Variants in FAM135B observed in about 807,000 individuals in gnomAD.
FAM135B encodes the protein protein FAM135B.
In FAM135B, 43 loss-of-function variants were observed where a neutral mutation model predicts 127.7. The observed-to-expected ratio is 0.34, with a 90% confidence interval of 0.26 to 0.43. The LOEUF (loss-of-function observed/expected upper bound fraction) is 0.43, where lower values mean the gene tolerates loss of function less well. Ranked by LOEUF, FAM135B falls within the 20% of genes least tolerant of loss-of-function variation. The probability of loss-of-function intolerance (pLI) is 1.00; values close to 1 mark genes in which losing one functional copy is unlikely to be tolerated. For missense variants in FAM135B, 1,558 were observed against 1,725.6 expected, an observed-to-expected ratio of 0.90 and a Z score of 1.72; for synonymous variants, 670 against 665.1, an observed-to-expected ratio of 1.01 and a Z score of -0.11.
At chr8:138,183,509 A>G (rs73423942) in intron 9 of FAM135B, among the ~76,000 whole-genome samples, 4 of 152,182 alleles carry the variant, frequency 2.6e-5, no homozygotes, top group Non-Finnish European at 5.9e-5. Flanking sequence ...GCTTCAATAT[A>G]TATTTGCAGA....
rs1586553654 is a variant in FAM135B, at chr8:138,132,921, C to T, written c.4016-123G>A. On this transcript the variant is annotated intron_variant, in intron 19 of 19. Coordinates refer to ENST00000395297, the MANE Select transcript of FAM135B (RefSeq NM_015912.4). The surrounding 1 kb of genome is among the most constrained non-coding windows in gnomAD (Gnocchi z 4.5). Reference sequence around the variant, plus strand: ...AGACCTGTTATACAGCAGTTTCCAACCTCTTCCTAATGTTAGTGAAATTAA... The same window carrying T: ...AGACCTGTTATACAGCAGTTTCCAATCTCTTCCTAATGTTAGTGAAATTAA... 25 of 776,138 alleles carry T rather than the reference C, an allele frequency of 3.2e-5. No homozygotes were observed. In the East Asian group the frequency reaches 5.9e-4, roughly 18 times the overall value. 48.1% of individuals were successfully genotyped at this position (776,138 alleles called of 1,614,324 possible).
chr8:138,299,167 A>C (rs1421162405), intron 3 of FAM135B, among the ~76,000 whole-genome samples: 1 of 151,932 alleles, frequency 6.6e-6, no homozygotes, highest in Non-Finnish European at 1.5e-5. Flanking sequence ...CTTCCTAGCA[A>C]TTATATTAAA....
Position 138,361,432 on chromosome 8 carries a change from C to T in FAM135B, c.77+6475G>A, listed in dbSNP as rs528350705. ...GAAGTTCAATACAATGAAAGATAAG[C>T]TACAATTTTTCTCCCAGTACGCACT... On this transcript the variant is annotated intron_variant, in intron 2 of 19. Coordinates refer to ENST00000395297, the MANE Select transcript of FAM135B (RefSeq NM_015912.4). 5.3e-5 allele frequency among the ~76,000 whole-genome samples: 8 copies of T among 152,270 alleles called. No homozygotes were observed. In the East Asian group the frequency reaches 1.5e-3, roughly 29 times the overall value.
intron 3 of FAM135B, among the ~76,000 whole-genome samples, chr8:138,286,524 A>G (rs563514743): frequency 6.6e-6 from 1 of 152,270 alleles, no homozygotes; most frequent in African/African-American, 2.4e-5. Context: ...ATGTTTGGGG[A>G]CCAGAGGCAC....
At chr8:138,471,802 T>C (rs376645408) in intron 1 of FAM135B, among the ~76,000 whole-genome samples, 5 of 152,154 alleles carry the variant, frequency 3.3e-5, no homozygotes, top group African/African-American at 1.2e-4. Context: ...GAACTTAGCA[T>C]TTAAGGAGTA....
In FAM135B at chr8:138,242,971, C is replaced by T. The variant is rs1820949869; in HGVS notation, c.640G>A (p.Ala214Thr). Residue 214 changes from alanine to threonine, a missense_variant, in exon 7 of 20, where the codon GCT becomes ACT. Around this residue, in one of 5 missense-constraint regions of FAM135B, gnomAD observed 127 missense variants for 109.7 expected, o/e 1.16. Coordinates refer to ENST00000395297, the MANE Select transcript of FAM135B (RefSeq NM_015912.4). The surrounding 1 kb of genome is among the most constrained non-coding windows in gnomAD (Gnocchi z 9.6). ...IISLENLVFG[A>T]GYCKPTSSEG... ...GAGGAAGTCGGCTTGCAGTACCCAGCTCCAAAGACCAAGTTTTCCAGAGAA... is the reference window on the plus strand; with the variant it reads ...GAGGAAGTCGGCTTGCAGTACCCAGTTCCAAAGACCAAGTTTTCCAGAGAA... The T allele has an allele frequency of 2.5e-6, 4 of 1,613,808 alleles. No individual in the cohort carries two copies. The South Asian group carries it at 3.3e-5, about 13-fold the overall frequency.
At chr8:138,292,006 C>T (rs1432810782) in intron 3 of FAM135B, among the ~76,000 whole-genome samples, 1 of 151,974 alleles carries the variant, frequency 6.6e-6, no homozygotes, top group Non-Finnish European at 1.5e-5. Context: ...GACATGATCT[C>T]ATATACAGAG....
chr8:138,181,216 G>A (rs1001057149), intron 9 of FAM135B, among the ~76,000 whole-genome samples: 5 of 152,140 alleles, frequency 3.3e-5, no homozygotes, highest in Non-Finnish European at 5.9e-5. Flanking sequence ...ACTCCAGCCT[G>A]GAGACAGAGT....
chr8:138,183,907 T>C (rs1333147948), intron 9 of FAM135B, among the ~76,000 whole-genome samples: 1 of 152,228 alleles, frequency 6.6e-6, no homozygotes, highest in Non-Finnish European at 1.5e-5. Flanking sequence ...TATGTTTTCA[T>C]AACAGCCTCC....
At chr8:138,172,005 T>C (rs1820499455) in intron 11 of FAM135B, among the ~76,000 whole-genome samples, 1 of 152,210 alleles carries the variant, frequency 6.6e-6, no homozygotes. Flanking sequence ...GGGAATGTTA[T>C]TGCTGCATGC....
chr8:138,373,382 C>T lies in FAM135B; in HGVS notation c.-19-5380G>A, dbSNP rs184210712. The stretch of plus-strand genomic sequence containing the variant: ...ACTTATCACTTCCCCAATCAATACC[C>T]CTGTGATTTCCTATGCCTGTCTTTA... On this transcript the variant is annotated intron_variant, in intron 1 of 19. Coordinates refer to ENST00000395297, the MANE Select transcript of FAM135B (RefSeq NM_015912.4). Among the ~76,000 whole-genome samples, 166 of 149,662 alleles carry T rather than the reference C, an allele frequency of 1.1e-3. 1 individual carries two copies. The highest frequency in any genetic ancestry group is 2.2e-3 in the Admixed American group (33 of 14,788).
At chr8:138,449,541 A>AG in intron 1 of FAM135B, among the ~76,000 whole-genome samples, 1 of 152,290 alleles carries the variant, frequency 6.6e-6, no homozygotes, top group Non-Finnish European at 1.5e-5. Context: ...CTTGGGAAGC[A>AG]GTCATGGGCC....
intron 9 of FAM135B, among the ~76,000 whole-genome samples, chr8:138,191,373 G>T (rs1816108698): frequency 6.6e-6 from 1 of 152,202 alleles, no homozygotes; most frequent in Non-Finnish European, 1.5e-5. Context: ...TGAACATATT[G>T]AGTCCAAGCT....
At chr8:138,442,422 T>A (rs1052727417) in intron 1 of FAM135B, among the ~76,000 whole-genome samples, 3 of 151,520 alleles carry the variant, frequency 2.0e-5, no homozygotes, top group Admixed American at 6.6e-5. Context: ...ACATACAACA[T>A]CCTTTGAAGT....
intron 12 of FAM135B, among the ~76,000 whole-genome samples, chr8:138,165,779 C>T (rs191912008): frequency 6.6e-6 from 1 of 152,302 alleles, no homozygotes; most frequent in Non-Finnish European, 1.5e-5. Flanking sequence ...GTCTCAGTGT[C>T]ATGTTTTAAA....
chr8:138,233,611 G>T (rs1820058388), intron 7 of FAM135B, among the ~76,000 whole-genome samples: 2 of 152,164 alleles, frequency 1.3e-5, no homozygotes, highest in Admixed American at 1.3e-4. Context: ...TCTTGGCAAT[G>T]ATTTCTTGGA....
intron 9 of FAM135B, among the ~76,000 whole-genome samples, chr8:138,189,328 C>T (rs1017304760): frequency 6.6e-5 from 10 of 152,330 alleles, no homozygotes; most frequent in South Asian, 2.1e-4. Context: ...TGCAAGCCTC[C>T]GCATTCACCA....
rs191002445 is a variant in FAM135B, at chr8:138,367,582, C to T, written c.77+325G>A. ...CTGACTCCTTTTTACCACAGCTACACAGGCAAGCTTCATTTTCCATCAATT... is the reference window on the plus strand; with the variant it reads ...CTGACTCCTTTTTACCACAGCTACATAGGCAAGCTTCATTTTCCATCAATT... On this transcript the variant is annotated intron_variant, in intron 2 of 19. Transcript: ENST00000395297. 3.4e-3 allele frequency among the ~76,000 whole-genome samples: 521 copies of T among 152,238 alleles called. 28 individuals carry two copies. Among genetic ancestry groups the T allele is most frequent in the Admixed American group, 0.034 (512 of 15,282 alleles).
chr8:138,153,958 T>C (rs931019215), intron 12 of FAM135B, among the ~76,000 whole-genome samples: 64 of 151,942 alleles, frequency 4.2e-4, no homozygotes, highest in Admixed American at 1.2e-3. Flanking sequence ...CAGCACGGAG[T>C]TTGAAATCTG....
Sources: gnomAD v4.1 joint callset for allele counts (sites outside exome capture counted in the v4.1 genomes callset) on GRCh38, gnomAD v4.1.1 for gene constraint, gnomAD v4.1.1 regional missense constraint, Gnocchi (gnomAD v3.1) non-coding constraint, MANE v1.5 for transcripts, NCBI Gene and HGNC (gene_info 2026-07-23, HGNC 2026-07-21) for gene names.